ROBO2: variants seen among roughly 807,000 people sequenced by gnomAD.
ROBO2 encodes roundabout guidance receptor 2, also known as roundabout homolog 2.
In ROBO2, 53 loss-of-function variants were observed where a neutral mutation model predicts 160.8. The observed-to-expected ratio is 0.33, with a 90% confidence interval of 0.26 to 0.41. The LOEUF (loss-of-function observed/expected upper bound fraction) is 0.41. Ranked by LOEUF, ROBO2 falls within the 10% of genes least tolerant of loss-of-function variation. ROBO2 has a pLI of 1.00. For synonymous variants in ROBO2, 664 were observed against 611.7 expected, an observed-to-expected ratio of 1.09 and a Z score of -1.26; for missense variants, 1,577 against 1,722.4, an observed-to-expected ratio of 0.92 and a Z score of 1.49.
intron 2 of ROBO2, among the ~76,000 whole-genome samples, chr3:77,201,888 T>G (rs2082945884): frequency 6.6e-6 from 1 of 152,194 alleles, no homozygotes; most frequent in Non-Finnish European, 1.5e-5. Context: ...ATTGTTTATC[T>G]TTAGATTTTT....
At chr3:76,295,366 T>C (rs1709014954) in intron 2 of ROBO2, among the ~76,000 whole-genome samples, 1 of 152,064 alleles carries the variant, frequency 6.6e-6, no homozygotes, top group Non-Finnish European at 1.5e-5. Context: ...AAAAAAAGTA[T>C]GAATGTAGAG....
At chr3:76,273,271 G>A (rs888991934) in intron 2 of ROBO2, among the ~76,000 whole-genome samples, 3 of 149,538 alleles carry the variant, frequency 2.0e-5, no homozygotes, top group African/African-American at 7.4e-5. Context: ...CACAGATGTA[G>A]CAATGATGAA....
chr3:76,895,994 G>A (rs1577321842), intron 2 of ROBO2, among the ~76,000 whole-genome samples: 1 of 152,258 alleles, frequency 6.6e-6, no homozygotes, highest in African/African-American at 2.4e-5. Context: ...CGGCATGTGA[G>A]AGGCCTTGCC....
At chr3:76,551,260 C>T (rs779254170) in intron 2 of ROBO2, among the ~76,000 whole-genome samples, 25 of 152,038 alleles carry the variant, frequency 1.6e-4, no homozygotes, top group South Asian at 4.1e-4. Context: ...TTCGTAAGAA[C>T]GACCTGCCTG....
intron 2 of ROBO2, among the ~76,000 whole-genome samples, chr3:76,810,732 G>A (rs1169180718): frequency 6.6e-6 from 1 of 152,108 alleles, no homozygotes; most frequent in Non-Finnish European, 1.5e-5. Context: ...CATTACCCAA[G>A]AAATGGTGAA....
At chr3:76,645,530 A>C (rs2090921308) in intron 2 of ROBO2, among the ~76,000 whole-genome samples, 1 of 152,158 alleles carries the variant, frequency 6.6e-6, no homozygotes, top group South Asian at 2.1e-4. Context: ...AGTCTATATG[A>C]ATGTAAGTGT....
intron 2 of ROBO2, among the ~76,000 whole-genome samples, chr3:77,418,914 C>T (rs563144643): frequency 7.2e-5 from 11 of 152,144 alleles, no homozygotes; most frequent in African/African-American, 2.6e-4. Flanking sequence ...TGGTTGCAAT[C>T]AGGAGAAAGG....
At chr3:76,402,927 A>G (rs913327880) in intron 2 of ROBO2, among the ~76,000 whole-genome samples, 1 of 151,606 alleles carries the variant, frequency 6.6e-6, no homozygotes, top group African/African-American at 2.4e-5. Context: ...CCCTCTTACT[A>G]TGTATGACAA....
At chr3:76,657,031 T>G (rs1024390554) in intron 2 of ROBO2, among the ~76,000 whole-genome samples, 2 of 152,166 alleles carry the variant, frequency 1.3e-5, no homozygotes, top group Non-Finnish European at 2.9e-5. Context: ...TAGTTTTCCT[T>G]TTTCTCTTTA....
At chr3:77,520,264 G>T (rs1197809283) in intron 5 of ROBO2, among the ~76,000 whole-genome samples, 1 of 151,278 alleles carries the variant, frequency 6.6e-6, no homozygotes, top group African/African-American at 2.4e-5. Context: ...CAGAGAAGAA[G>T]TACACATAGA....
chr3:77,404,317 CAG>C (rs1413710256), intron 2 of ROBO2, among the ~76,000 whole-genome samples: 1 of 152,066 alleles, frequency 6.6e-6, no homozygotes, highest in Admixed American at 6.6e-5. Flanking sequence ...TTATATGAAA[CAG>C]ATAATTTCAT....
chr3:76,142,121 G>GT (rs558987727), intron 2 of ROBO2, among the ~76,000 whole-genome samples: 81 of 152,092 alleles, frequency 5.3e-4, no homozygotes, highest in South Asian at 1.0e-3. Flanking sequence ...GTTATAGAAT[G>GT]TCCAATCCTA....
At chr3:76,957,746 G>A (rs1272600425) in intron 2 of ROBO2, among the ~76,000 whole-genome samples, 9 of 151,590 alleles carry the variant, frequency 5.9e-5, no homozygotes, top group Non-Finnish European at 1.0e-4. Context: ...CAGGAGAATC[G>A]CTTGAACCCA....
chr3:77,587,766 A>G (rs1323861892), intron 16 of ROBO2, among the ~76,000 whole-genome samples: 1 of 152,130 alleles, frequency 6.6e-6, no homozygotes. Context: ...TTGATGTGAT[A>G]TGCTGAAATG....
At chr3:75,948,775 T>G (rs1948425495) in intron 2 of ROBO2, among the ~76,000 whole-genome samples, 1 of 152,202 alleles carries the variant, frequency 6.6e-6, no homozygotes, top group Non-Finnish European at 1.5e-5. Context: ...TTTAATATTT[T>G]ATATCTTATA....
intron 6 of ROBO2, among the ~76,000 whole-genome samples, chr3:77,537,783 T>C (rs973976537): frequency 5.9e-5 from 9 of 152,244 alleles, no homozygotes; most frequent in Admixed American, 4.6e-4. Context: ...ACATCTTAAA[T>C]GGTGGTGGCA....
intron 2 of ROBO2, among the ~76,000 whole-genome samples, chr3:77,115,748 C>G (rs974594394): frequency 2.0e-5 from 3 of 152,148 alleles, no homozygotes; most frequent in Non-Finnish European, 2.9e-5. Context: ...GCATTTGAAA[C>G]TAGAAAGCAA....
chr3:76,561,099 T>C (rs1268627631), intron 2 of ROBO2, among the ~76,000 whole-genome samples: 1 of 151,438 alleles, frequency 6.6e-6, no homozygotes, highest in Non-Finnish European at 1.5e-5. Flanking sequence ...ACTGTTTCCA[T>C]GGAATAGCCT....
At chr3:77,078,786 C>T (rs867195563) in intron 1 of ROBO2, among the ~76,000 whole-genome samples, 4 of 152,126 alleles carry the variant, frequency 2.6e-5, no homozygotes, top group Middle Eastern at 3.2e-3. Context: ...CCTCCCACAC[C>T]CCGCAACTCA....
Sources: gnomAD v4.1 joint callset for allele counts (sites outside exome capture counted in the v4.1 genomes callset) on GRCh38, gnomAD v4.1.1 for gene constraint, MANE v1.5 for transcripts, NCBI Gene and HGNC (gene_info 2026-07-23, HGNC 2026-07-21) for gene names.